The following DAPP1 variants were observed in gnomAD, a reference collection of about 807,000 sequenced individuals.
DAPP1 encodes the protein dual adaptor of phosphotyrosine and 3-phosphoinositides 1.
DAPP1 carries 20 observed loss-of-function variants against 41.5 expected under a neutral mutation model. That is an observed-to-expected ratio of 0.48 (90% CI 0.34 to 0.70). DAPP1 has a LOEUF of 0.70. DAPP1 is among the 30% of genes least tolerant of loss of function. The pLI, the probability that DAPP1 is intolerant of heterozygous loss-of-function variation, is 0.01. For synonymous variants in DAPP1, 113 were observed against 116.2 expected (o/e 0.97, Z 0.18); for missense variants, 233 against 333.4 (o/e 0.70, Z 2.35).
intron 5 of DAPP1, among the ~76,000 whole-genome samples, chr4:99,862,770 T>C (rs1724284567): frequency 6.6e-6 from 1 of 151,762 alleles, no homozygotes; most frequent in Non-Finnish European, 1.5e-5. Context: ...ATTTTGAAAC[T>C]TTTTTCTCAG....
intron 3 of DAPP1, among the ~76,000 whole-genome samples, chr4:99,846,169 C>A (rs1723657647): frequency 6.6e-6 from 1 of 152,164 alleles, no homozygotes; most frequent in Admixed American, 6.5e-5. Flanking sequence ...TCTCAAGCTG[C>A]CTCCTAAAGA....
At position 99,870,084 on chromosome 4, in the gene DAPP1, T is replaced by C. The variant is rs1724593979; in HGVS notation, c.*1899T>C. 6.6e-6 allele frequency: 1 copy of C among 152,214 alleles called. No homozygotes were observed. The highest frequency in any genetic ancestry group is 2.4e-5 in the African/African-American group (1 of 41,464). 9.4% of individuals were successfully genotyped at this position (152,214 alleles called of 1,614,324 possible). ...TACTATGTTTACCTTTTATAAAACATAACCTGTTTATTTATATTCTTTGGC... is the reference window on the plus strand; with the variant it reads ...TACTATGTTTACCTTTTATAAAACACAACCTGTTTATTTATATTCTTTGGC... On this transcript the variant is annotated 3_prime_UTR_variant, in exon 9 of 9. Coordinates refer to ENST00000512369, the MANE Select transcript of DAPP1 (RefSeq NM_014395.3).
intron 3 of DAPP1, among the ~76,000 whole-genome samples, chr4:99,845,782 A>C (rs1357919347): frequency 2.0e-5 from 3 of 152,226 alleles, no homozygotes; most frequent in African/African-American, 7.2e-5. Context: ...AAAAGAAAAC[A>C]TCCCCCTAAA....
At chr4:99,854,618 A>G (rs955055743) in intron 4 of DAPP1, among the ~76,000 whole-genome samples, 4 of 146,030 alleles carry the variant, frequency 2.7e-5, no homozygotes, top group African/African-American at 5.1e-5. Flanking sequence ...ATCTCATGCT[A>G]CTCCCACACT....
intron 1 of DAPP1, among the ~76,000 whole-genome samples, chr4:99,829,461 C>A (rs541725341): frequency 6.6e-6 from 1 of 151,600 alleles, no homozygotes; most frequent in East Asian, 1.9e-4. Context: ...GCCTGGGTGA[C>A]AAGAGTGAAA....
Position 99,816,862 on chromosome 4 carries a change from T to C in DAPP1, c.-52T>C, listed in dbSNP as rs1722601187. 1 of 1,482,664 alleles carries C rather than the reference T, an allele frequency of 6.7e-7. No individual in the cohort carries two copies. The highest frequency in any genetic ancestry group is 2.5e-5 in the East Asian group (1 of 40,600). The allele number at this position is 1,482,664 out of a possible 1,614,324, so 91.8% of individuals were successfully genotyped here. A position where few individuals can be genotyped will look rare whatever the true frequency, so the allele number is the denominator to read the frequency against. On this transcript the variant is annotated 5_prime_UTR_variant, in exon 1 of 9. Coordinates refer to ENST00000512369, the MANE Select transcript of DAPP1 (RefSeq NM_014395.3). ...GCTGCTGTCTCACAGAGCGAGAAGG[T>C]GTCAGGAGCAGCCCAGTTGTGTCTC...
chr4:99,848,610 A>T (rs186295783), intron 3 of DAPP1, among the ~76,000 whole-genome samples: 1 of 152,324 alleles, frequency 6.6e-6, no homozygotes, highest in Admixed American at 6.5e-5. Flanking sequence ...AGAGACAACA[A>T]GGAATCTGCT....
rs1477248599 is a variant in DAPP1 at position 99,870,162 on chromosome 4, A to C, written c.*1977A>C. The C allele has an allele frequency of 6.6e-6, 1 of 152,092 alleles. No individual in the cohort carries two copies. The highest frequency in any genetic ancestry group is 1.5e-5 in the Non-Finnish European group (1 of 68,022). 9.4% of individuals were successfully genotyped at this position (152,092 alleles called of 1,614,324 possible). A position where few individuals can be genotyped will look rare whatever the true frequency, so the allele number is the denominator to read the frequency against. ...TGTGCATGTACCATTTTGCTATTAA[A>C]ATTTATTTTTAATATTTGTAACTTG... On this transcript the variant is annotated 3_prime_UTR_variant, in exon 9 of 9. Transcript: ENST00000512369.
chr4:99,825,209 G>A (rs542535355), intron 1 of DAPP1, among the ~76,000 whole-genome samples: 1 of 152,064 alleles, frequency 6.6e-6, no homozygotes, highest in Non-Finnish European at 1.5e-5. Flanking sequence ...TGAGTTTTGT[G>A]TCTCTATCTT....
chr4:99,864,498 T>C (rs551878934), intron 7 of DAPP1, among the ~76,000 whole-genome samples: 1 of 152,294 alleles, frequency 6.6e-6, no homozygotes, highest in Admixed American at 6.5e-5. Flanking sequence ...TTAGTATGTG[T>C]CTCTTAAGAA....
intron 5 of DAPP1, 138 bp downstream of exon 5, chr4:99,861,763 T>C (rs1053915341): frequency 2.0e-6 from 2 of 1,007,126 alleles, no homozygotes; most frequent in Non-Finnish European, 2.9e-6. Context: ...TTCACCTGAC[T>C]CAAGAGTTCA....
At chr4:99,861,155 A>G (rs897970057) in intron 4 of DAPP1, among the ~76,000 whole-genome samples, 9 of 152,240 alleles carry the variant, frequency 5.9e-5, no homozygotes, top group African/African-American at 2.2e-4. Context: ...GTATATTAGC[A>G]TAATACAGAC....
At position 99,866,119 on chromosome 4, in the gene DAPP1, T is replaced by C. The variant is rs754679524; in HGVS notation, c.772T>C (p.Leu258=). The part of the protein sequence containing the change: ...DEWIKILRWK[L]SQIRKQLNQG... ...GTGGATCAAGATATTACGCTGGAAA[T>C]TGGTGAGAATTTTTAAGCCTTCAGA... The change falls in exon 8 of 9, where the codon TTG becomes CTG. Residue 258 remains leucine (L), a splice_region_variant and synonymous_variant. Transcript: ENST00000512369. The C allele has an allele frequency of 6.3e-7, 1 of 1,577,774 alleles. No homozygotes were observed. The highest frequency in any genetic ancestry group is 1.1e-5 in the South Asian group (1 of 89,826).
chr4:99,863,718 G>GTTTTTTTTTT (rs61359294), intron 6 of DAPP1, 52 bp from the exon 7 acceptor site: 3 of 884,992 alleles, frequency 3.4e-6, no homozygotes, highest in Non-Finnish European at 3.3e-6. Flanking sequence ...AGATTTGTCT[G>GTTTTTTTTTT]TTTTTTTTTT....
intron 1 of DAPP1, among the ~76,000 whole-genome samples, chr4:99,827,742 G>T (rs1722985478): frequency 6.6e-6 from 1 of 152,098 alleles, no homozygotes; most frequent in Non-Finnish European, 1.5e-5. Flanking sequence ...GCTTTGTTTT[G>T]CAGGTCAGAG....
intron 3 of DAPP1, among the ~76,000 whole-genome samples, chr4:99,840,993 A>G (rs1723476866): frequency 6.6e-6 from 1 of 152,218 alleles, no homozygotes; most frequent in East Asian, 1.9e-4. Flanking sequence ...AAAACACAAA[A>G]AACAGTCTAT....
intron 1 of DAPP1, among the ~76,000 whole-genome samples, chr4:99,818,527 TA>T (rs1722666664): frequency 6.6e-6 from 1 of 152,146 alleles, no homozygotes. Context: ...GGAACACACT[TA>T]GATGACAAAG....
At position 99,863,018 on chromosome 4, in the gene DAPP1, A is replaced by G. The variant is rs763629956; in HGVS notation, c.546A>G (p.Lys182=). 1.3e-6 allele frequency: 2 copies of G among 1,592,166 alleles called. No homozygotes were observed. The highest frequency in any genetic ancestry group is 2.3e-5 in the East Asian group (1 of 43,462). ...TKQGGLVKTW[K]TRWFTLHRNE... ...GTGTGTGTTTTTCTCAGACCTGGAA[A>G]ACAAGATGGTTTACTCTGCACAGGA... is the stretch of plus-strand genomic sequence containing the variant. The change falls in exon 6 of 9, where the codon AAA becomes AAG. Residue 182 remains lysine, a synonymous_variant. Coordinates refer to ENST00000512369, the MANE Select transcript of DAPP1 (RefSeq NM_014395.3).
At chr4:99,860,340 T>C (rs969512254) in intron 4 of DAPP1, among the ~76,000 whole-genome samples, 1 of 152,222 alleles carries the variant, frequency 6.6e-6, no homozygotes, top group Non-Finnish European at 1.5e-5. Flanking sequence ...CAGGATCTTT[T>C]ATACAACAAT....
Sources: allele counts gnomAD v4.1 joint callset (sites outside exome capture counted in the v4.1 genomes callset), GRCh38; gene constraint gnomAD v4.1.1; transcripts MANE v1.5; gene names NCBI Gene and HGNC (gene_info 2026-07-23, HGNC 2026-07-21).